PMPCB: variants seen among roughly 807,000 people sequenced by gnomAD.
The protein encoded by PMPCB is mitochondrial-processing peptidase subunit beta.
PMPCB carries 46 observed loss-of-function variants against 61.5 expected under a neutral mutation model. That is an observed-to-expected ratio of 0.75 (90% CI 0.59 to 0.96). The LOEUF is 0.96. Among genes scored for constraint, PMPCB ranks in the 40% least tolerant of loss-of-function variants. The pLI is 0.00. For synonymous variants in PMPCB, 191 were observed against 201.6 expected, an observed-to-expected ratio of 0.95 and a Z score of 0.44; for missense variants, 590 against 602.4, an observed-to-expected ratio of 0.98 and a Z score of 0.22.
intron 4 of PMPCB, 24 bp downstream of exon 4, chr7:103,300,331 GA>G: frequency 6.5e-7 from 1 of 1,537,806 alleles, no homozygotes; most frequent in Non-Finnish European, 8.8e-7. Flanking sequence ...TTATACAGCA[GA>G]TAATGTAATT....
At chr7:103,327,805 A>G (rs1818786050) in intron 12 of PMPCB, 1 of 1,192,020 alleles carries the variant, frequency 8.4e-7, no homozygotes, top group African/African-American at 1.5e-5. Context: ...CACCAAAAAT[A>G]AAGATGAGCT....
chr7:103,346,289 C>T, the PMPCB span, among the ~76,000 whole-genome samples: 5 of 152,204 alleles, frequency 3.3e-5, no homozygotes, highest in East Asian at 1.9e-4. Flanking sequence ...CGTGCCACCA[C>T]GCCCAGCTAA....
At chr7:103,316,016 A>G (rs61744156), downstream of PMPCB, 1,114 of 1,601,394 alleles carry the variant, frequency 7.0e-4, 6 homozygotes, top group African/African-American at 0.014. Flanking sequence ...TTGCTTTGCC[A>G]ATAACATCTT....
chr7:103,330,292 A>T (rs544962389), downstream of PMPCB, among the ~76,000 whole-genome samples: 10 of 148,010 alleles, frequency 6.8e-5, no homozygotes, highest in Admixed American at 4.1e-4. Flanking sequence ...TTGTTATTTT[A>T]TTTTTTTTTT....
intron 1 of PMPCB, 22 bp from the exon 2 acceptor site, chr7:103,298,546 T>C: frequency 6.2e-7 from 1 of 1,611,690 alleles, no homozygotes; most frequent in Non-Finnish European, 8.5e-7. Flanking sequence ...CTTTGTCTCT[T>C]CCACTTCCTA....
At chr7:103,333,034 T>C (rs1819036628), downstream of PMPCB, among the ~76,000 whole-genome samples, 1 of 151,610 alleles carries the variant, frequency 6.6e-6, no homozygotes, top group East Asian at 1.9e-4. Flanking sequence ...TTATACTTAC[T>C]GGGTGAGCAT....
the PMPCB span, among the ~76,000 whole-genome samples, chr7:103,339,796 A>G: frequency 1.3e-5 from 2 of 151,260 alleles, no homozygotes; most frequent in Admixed American, 1.3e-4. Context: ...TTTTCATGTT[A>G]TGTGATTGAC....
intron 6 of PMPCB, among the ~76,000 whole-genome samples, chr7:103,307,038 T>A (rs1175289396): frequency 6.6e-6 from 1 of 152,000 alleles, no homozygotes; most frequent in Non-Finnish European, 1.5e-5. Context: ...GGATTACAGG[T>A]GTGAGCCATG....
chr7:103,313,707 CAATA>C lies in PMPCB; in HGVS notation c.*1438_*1441del. 1 of 985,354 alleles carries C rather than the reference CAATA, an allele frequency of 1.0e-6. No homozygotes were observed. Among genetic ancestry groups the C allele is most frequent in the South Asian group, 4.7e-5 (1 of 21,290 alleles). The allele number at this position is 985,354 out of a possible 1,614,324, so 61.0% of individuals were successfully genotyped here. Reference sequence around the variant, plus strand: ...CTTGGGAGCCGATGCTGAACACTTCCAATAACTGCTATTGTGGTTCTTCAACTAA... The same window carrying C: ...CTTGGGAGCCGATGCTGAACACTTCCACTGCTATTGTGGTTCTTCAACTAA... On this transcript the variant is annotated 3_prime_UTR_variant, in exon 13 of 13. Transcript: ENST00000249269.
chr7:103,298,422 G>A, intron 1 of PMPCB, 146 bp from the exon 2 acceptor site: 1 of 784,042 alleles, frequency 1.3e-6, no homozygotes, highest in Middle Eastern at 3.9e-4. Flanking sequence ...AGGCCAGGCA[G>A]AGATCTCAGT....
In PMPCB at chr7:103,311,819, A is replaced by G. The variant is rs1403161463; in HGVS notation, c.1252A>G (p.Ile418Val). Reference protein sequence around the residue: ...MLLQLDGSTPICEDIGRQMLC... With the variant: ...MLLQLDGSTPVCEDIGRQMLC... ...TTCTCTTTAAACAGGTTCAACTCCA[A>G]TTTGTGAAGATATTGGTAGGCAAAT... Residue 418 changes from isoleucine to valine, a missense_variant, in exon 11 of 13, where the codon ATT becomes GTT. Physicochemically the swap from Ile to Val is conservative, Grantham distance 29 (BLOSUM62 3). Coordinates refer to ENST00000249269, the MANE Select transcript of PMPCB (RefSeq NM_004279.3). 3.7e-6 allele frequency: 6 copies of G among 1,612,350 alleles called. No homozygotes were observed. In the African/African-American group the frequency reaches 4.0e-5, roughly 11 times the overall value.
downstream of PMPCB, among the ~76,000 whole-genome samples, chr7:103,331,566 A>T (rs1340172018): frequency 1.3e-5 from 2 of 152,090 alleles, no homozygotes; most frequent in Non-Finnish European, 2.9e-5. Flanking sequence ...CCTCCACGAG[A>T]TCAACTTTTT....
At chr7:103,341,070 C>T in the PMPCB span, among the ~76,000 whole-genome samples, 1 of 152,144 alleles carries the variant, frequency 6.6e-6, no homozygotes, top group South Asian at 2.1e-4. Context: ...CCTGTTAATG[C>T]TACCTCCAAA....
At chr7:103,317,492 C>A (rs1818134766), downstream of PMPCB, 1 of 153,206 alleles carries the variant, frequency 6.5e-6, no homozygotes, top group Non-Finnish European at 1.5e-5. Context: ...AAAAAAAGAA[C>A]CTTTATTTGC....
chr7:103,337,642 G>C, the PMPCB span: 2 of 999,324 alleles, frequency 2.0e-6, no homozygotes, highest in Non-Finnish European at 3.0e-6. Flanking sequence ...TGTAGTTATG[G>C]CTGCAGACTA....
chr7:103,345,433 AAACTAGCAAAAACAAAC>A, the PMPCB span, among the ~76,000 whole-genome samples: 1 of 152,150 alleles, frequency 6.6e-6, no homozygotes, highest in Non-Finnish European at 1.5e-5. Context: ...TCAAAAGCAA[AAACTAGCAAAAACAAAC>A]AGTGGGTAAA....
At position 103,308,977 on chromosome 7, in the gene PMPCB, C is replaced by A; in HGVS notation, c.875C>A (p.Pro292His). 6.3e-7 allele frequency: 1 copy of A among 1,597,396 alleles called. No homozygotes were observed. The highest frequency in any genetic ancestry group is 2.3e-5 in the East Asian group (1 of 43,878). Residue 292 changes from proline to histidine, a missense_variant, in exon 8 of 13, where the codon CCT becomes CAT. By Grantham distance (77) the Pro-to-His change is moderately conservative (BLOSUM62 -2). Transcript: ENST00000249269. ...ATTCGTGTGAGGGATGACAAGATGC[C>A]TTTGGCGCACCTTGCAATAGCTGTT... ...SEIRVRDDKM[P>H]LAHLAIAVEA...
In PMPCB at chr7:103,314,282, A is replaced by G. The variant is rs537899188; in HGVS notation, c.*2011A>G. ...TCCAGTTACTTCACAATACCAAAAT[A>G]AATTAAACGTACTGTTGCAAAACTC... On this transcript the variant is annotated 3_prime_UTR_variant, in exon 13 of 13. Transcript: ENST00000249269. 3.0e-6 allele frequency: 3 copies of G among 985,014 alleles called. No individual in the cohort carries two copies. In the East Asian group the frequency reaches 3.4e-4, roughly 112 times the overall value. 61.0% of individuals were successfully genotyped at this position (985,014 alleles called of 1,614,324 possible). A position where few individuals can be genotyped will look rare whatever the true frequency, so the allele number is the denominator to read the frequency against.
intron 6 of PMPCB, among the ~76,000 whole-genome samples, chr7:103,306,598 T>C (rs1393652576): frequency 6.6e-6 from 1 of 152,136 alleles, no homozygotes; most frequent in East Asian, 1.9e-4. Context: ...ATCAGGCTGG[T>C]CTACCTCTAC....
Sources: gnomAD v4.1 joint callset for allele counts (sites outside exome capture counted in the v4.1 genomes callset) on GRCh38, gnomAD v4.1.1 for gene constraint, MANE v1.5 for transcripts, NCBI Gene and HGNC (gene_info 2026-07-23, HGNC 2026-07-21) for gene names.